The following UBL3 variants were observed in gnomAD, a reference collection of about 807,000 sequenced individuals.
UBL3 encodes ubiquitin like 3.
A neutral mutation model predicts 18.4 loss-of-function variants in UBL3; 6 were observed. The ratio of observed to expected loss-of-function variants is 0.33; its 90% CI spans 0.18 to 0.64. UBL3 has a LOEUF of 0.64. Ranked by LOEUF, UBL3 falls within the 30% of genes least tolerant of loss-of-function variation. The probability of loss-of-function intolerance (pLI) is 0.76; values close to 1 mark genes in which losing one functional copy is unlikely to be tolerated. For missense variants in UBL3, 109 were observed against 142.9 expected (o/e 0.76, Z 1.21); for synonymous variants, 49 against 46.6 (o/e 1.05, Z -0.21).
intron 1 of UBL3, among the ~76,000 whole-genome samples, chr13:29,823,483 C>A (rs1219746327): frequency 1.3e-5 from 2 of 152,168 alleles, no homozygotes; most frequent in East Asian, 3.8e-4. Context: ...AAAATAAATA[C>A]AGTATGGCCA....
chr13:29,821,923 T>G (rs1284831522), intron 1 of UBL3, among the ~76,000 whole-genome samples: 3 of 151,210 alleles, frequency 2.0e-5, no homozygotes, highest in African/African-American at 7.3e-5. Context: ...TGATTACAAC[T>G]AGTCCTAAAG....
intron 1 of UBL3, among the ~76,000 whole-genome samples, chr13:29,797,410 G>C (rs1395492800): frequency 6.6e-6 from 1 of 152,124 alleles, no homozygotes; most frequent in Non-Finnish European, 1.5e-5. Context: ...ACCAGGATGT[G>C]GTTCTCTGGT....
chr13:29,771,997 T>C, intron 3 of UBL3, 115 bp downstream of exon 3: 4 of 907,790 alleles, frequency 4.4e-6, no homozygotes, highest in Non-Finnish European at 6.7e-6. Flanking sequence ...TAGGCAGAAT[T>C]CATAGTTTGA....
intron 1 of UBL3, among the ~76,000 whole-genome samples, chr13:29,793,540 A>G (rs1877534662): frequency 6.6e-6 from 1 of 152,146 alleles, no homozygotes; most frequent in South Asian, 2.1e-4. Context: ...TATTTATTTT[A>G]GTTTTCTTCT....
At chr13:29,834,441 A>G (rs1878867303) in intron 1 of UBL3, among the ~76,000 whole-genome samples, 1 of 152,110 alleles carries the variant, frequency 6.6e-6, no homozygotes, top group Admixed American at 6.5e-5. Flanking sequence ...GAAAGATTTT[A>G]TAGCTGGAAA....
intron 1 of UBL3, among the ~76,000 whole-genome samples, chr13:29,842,407 C>T (rs1484872476): frequency 1.3e-5 from 2 of 152,090 alleles, no homozygotes; most frequent in East Asian, 1.9e-4. Context: ...GATCCACCCA[C>T]CTCGGCCTCC....
intron 1 of UBL3, among the ~76,000 whole-genome samples, chr13:29,848,965 A>T (rs886756951): frequency 6.6e-6 from 1 of 152,226 alleles, no homozygotes; most frequent in African/African-American, 2.4e-5. Context: ...AAATCCCAAA[A>T]TATCTTTATA....
intron 1 of UBL3, among the ~76,000 whole-genome samples, chr13:29,791,647 A>C (rs1467152177): frequency 1.3e-5 from 2 of 152,176 alleles, no homozygotes; most frequent in Non-Finnish European, 2.9e-5. Context: ...TCAAACCTAC[A>C]CTACTCCTTC....
At chr13:29,792,876 C>T (rs1246086505) in intron 1 of UBL3, among the ~76,000 whole-genome samples, 1 of 152,198 alleles carries the variant, frequency 6.6e-6, no homozygotes. Flanking sequence ...CCTGTCACTA[C>T]ATAATATAAA....
At position 29,807,770 on chromosome 13, in the gene UBL3, T is replaced by C. The variant is rs184119652; in HGVS notation, c.28-30507A>G. Among the ~76,000 whole-genome samples the C allele has an allele frequency of 8.5e-5, 13 of 152,254 alleles. No homozygotes were observed. The East Asian group carries it at 2.5e-3, about 29-fold the overall frequency. On this transcript the variant is annotated intron_variant, in intron 1 of 4. Transcript: ENST00000380680. ...AATTCTGAAAAAGAGAAGGAAAAAG[T>C]TGATTCAAGACTTATCTCTAACAGT... is the stretch of plus-strand genomic sequence containing the variant.
intron 1 of UBL3, among the ~76,000 whole-genome samples, chr13:29,805,627 T>C (rs1877881002): frequency 6.6e-6 from 1 of 152,214 alleles, no homozygotes; most frequent in Non-Finnish European, 1.5e-5. Flanking sequence ...TTGGCTTAAT[T>C]ATAACTTGCC....
intron 1 of UBL3, among the ~76,000 whole-genome samples, chr13:29,804,335 G>C (rs1465248061): frequency 6.6e-6 from 1 of 152,004 alleles, no homozygotes; most frequent in Non-Finnish European, 1.5e-5. Context: ...TTTATAAAGA[G>C]AGAAGTTTAT....
At chr13:29,768,890 T>C (rs1870210721) in intron 3 of UBL3, among the ~76,000 whole-genome samples, 1 of 152,088 alleles carries the variant, frequency 6.6e-6, no homozygotes, top group Non-Finnish European at 1.5e-5. Context: ...GAACTGAACT[T>C]AAAATGTACA....
At chr13:29,782,923 T>C (rs964970213) in intron 1 of UBL3, among the ~76,000 whole-genome samples, 7 of 152,188 alleles carry the variant, frequency 4.6e-5, no homozygotes, top group African/African-American at 1.7e-4. Context: ...GCCTGAAACA[T>C]CCAGTGCCTG....
chr13:29,815,112 C>G (rs1878234658), intron 1 of UBL3, among the ~76,000 whole-genome samples: 1 of 152,118 alleles, frequency 6.6e-6, no homozygotes, highest in South Asian at 2.1e-4. Context: ...TGTCCTAACT[C>G]TGCGCAAAAC....
At chr13:29,810,817 C>T (rs775769536) in intron 1 of UBL3, among the ~76,000 whole-genome samples, 2 of 152,088 alleles carry the variant, frequency 1.3e-5, no homozygotes, top group African/African-American at 4.8e-5. Context: ...GAAGTAGCTG[C>T]GCACACAACA....
intron 2 of UBL3, 44 bp downstream of exon 2, chr13:29,777,111 T>A (rs1593650892): frequency 7.0e-7 from 1 of 1,435,504 alleles, no homozygotes; most frequent in Non-Finnish European, 9.5e-7. Flanking sequence ...AGGTAGGGCA[T>A]AAGAATCAAC....
Position 29,765,503 on chromosome 13 carries a change from T to C in UBL3, c.*1752A>G, listed in dbSNP as rs745726014. 5 of 152,228 alleles carry C rather than the reference T, an allele frequency of 3.3e-5. No homozygotes were observed. The highest frequency in any genetic ancestry group is 6.5e-5 in the Admixed American group (1 of 15,276). The allele number at this position is 152,228 out of a possible 1,614,324, so 9.4% of individuals were successfully genotyped here. ...TACTCCCCAAAACAACAACAGAATA[T>C]TAATTAAATGAATTTTAAAAGCTTA... On this transcript the variant is annotated 3_prime_UTR_variant, in exon 5 of 5. Coordinates refer to ENST00000380680, the MANE Select transcript of UBL3 (RefSeq NM_007106.4).
At position 29,849,570 on chromosome 13, in the gene UBL3, G is replaced by C. The variant is rs746343307; in HGVS notation, c.-32C>G. 6.2e-7 allele frequency: 1 copy of C among 1,612,586 alleles called. No individual in the cohort carries two copies. Among genetic ancestry groups the C allele is most frequent in the South Asian group, 1.1e-5 (1 of 91,040 alleles). On this transcript the variant is annotated 5_prime_UTR_variant, in exon 1 of 5. Transcript: ENST00000380680. The stretch of plus-strand genomic sequence containing the variant: ...GTTTGATATACACCCAGATGTTTAC[G>C]AAAAAAACAAACAAAGAAAAAAGAG...
Sources: gnomAD v4.1 joint callset for allele counts (sites outside exome capture counted in the v4.1 genomes callset) on GRCh38, gnomAD v4.1.1 for gene constraint, MANE v1.5 for transcripts, NCBI Gene and HGNC (gene_info 2026-07-23, HGNC 2026-07-21) for gene names.